The following OR2L13 variants were observed in gnomAD, a reference collection of about 807,000 sequenced individuals.
OR2L13 encodes olfactory receptor family 2 subfamily L member 13, also known as olfactory receptor 2L13.
A neutral mutation model predicts 15.3 loss-of-function variants in OR2L13; 14 were observed. That is an observed-to-expected ratio of 0.91 (90% CI 0.60 to 1.43). The LOEUF (loss-of-function observed/expected upper bound fraction) is 1.43, where lower values mean the gene tolerates loss of function less well. Among genes scored for constraint, OR2L13 ranks in the 40% most tolerant of loss-of-function variants. The pLI, the probability that OR2L13 is intolerant of heterozygous loss-of-function variation, is 0.00. For missense variants in OR2L13, 367 were observed against 387.9 expected (o/e 0.95, Z 0.45); for synonymous variants, 152 against 142.9 (o/e 1.06, Z -0.45).
At chr1:247,989,709 C>T in the OR2L13 span, among the ~76,000 whole-genome samples, 1 of 152,102 alleles carries the variant, frequency 6.6e-6, no homozygotes, top group Non-Finnish European at 1.5e-5. Context: ...TTTTTAAAAA[C>T]TATTGGCTTA....
At chr1:247,989,633 G>T in the OR2L13 span, among the ~76,000 whole-genome samples, 1 of 152,112 alleles carries the variant, frequency 6.6e-6, no homozygotes, top group South Asian at 2.1e-4. Context: ...AAATAGGAAA[G>T]ATTACTTCAT....
the OR2L13 span, among the ~76,000 whole-genome samples, chr1:248,085,085 C>A: frequency 6.6e-6 from 1 of 152,100 alleles, no homozygotes; most frequent in African/African-American, 2.4e-5. Context: ...CTGTGCCAAG[C>A]CTTGTCGGTT....
the OR2L13 span, among the ~76,000 whole-genome samples, chr1:247,948,607 A>G: frequency 1.3e-5 from 2 of 152,242 alleles, no homozygotes; most frequent in Non-Finnish European, 2.9e-5. Flanking sequence ...TCACATATTT[A>G]TAGTATACTG....
chr1:247,948,464 CAA>C, the OR2L13 span, among the ~76,000 whole-genome samples: 1 of 152,026 alleles, frequency 6.6e-6, no homozygotes, highest in African/African-American at 2.4e-5. Context: ...AAACTAGTAA[CAA>C]ATGTTGATCT....
At chr1:248,061,114 A>G in the OR2L13 span, 3 of 1,613,758 alleles carry the variant, frequency 1.9e-6, no homozygotes, top group African/African-American at 2.7e-5. Context: ...GCTGATGATA[A>G]CAGGGTCTTG....
the OR2L13 span, among the ~76,000 whole-genome samples, chr1:248,057,347 G>T: frequency 2.0e-5 from 3 of 152,080 alleles, no homozygotes; most frequent in Non-Finnish European, 4.4e-5. Context: ...TATTTACAAT[G>T]GTTAGAAATT....
chr1:247,967,148 T>C, the OR2L13 span, among the ~76,000 whole-genome samples: 1 of 152,138 alleles, frequency 6.6e-6, no homozygotes, highest in Non-Finnish European at 1.5e-5. Context: ...CCTCTGCCTC[T>C]ATTTTCAGAA....
At chr1:247,951,191 T>A in the OR2L13 span, among the ~76,000 whole-genome samples, 1 of 152,200 alleles carries the variant, frequency 6.6e-6, no homozygotes, top group Non-Finnish European at 1.5e-5. Flanking sequence ...TTACTACATC[T>A]TTGTAGTATA....
chr1:248,100,035 C>G, exon 3 of OR2L13: 2 of 1,614,106 alleles, frequency 1.2e-6, no homozygotes, highest in Non-Finnish European at 1.7e-6. Flanking sequence ...GTGGCCGAGT[C>G]CTATTTGCTG....
upstream of OR2L13, among the ~76,000 whole-genome samples, chr1:248,092,183 C>G (rs1664611482): frequency 6.6e-6 from 1 of 152,132 alleles, no homozygotes; most frequent in African/African-American, 2.4e-5. Context: ...TGGACAGAGA[C>G]TATGGGGTTT....
chr1:248,089,368 C>G, the OR2L13 span, among the ~76,000 whole-genome samples: 1 of 151,990 alleles, frequency 6.6e-6, no homozygotes, highest in African/African-American at 2.4e-5. Context: ...ATGGTGGCTT[C>G]ATTATATAGG....
chr1:248,074,983 A>G, the OR2L13 span, among the ~76,000 whole-genome samples: 1 of 152,072 alleles, frequency 6.6e-6, no homozygotes, highest in Non-Finnish European at 1.5e-5. Context: ...TCAACTCATC[A>G]TTTACATTAG....
chr1:247,948,223 A>G, the OR2L13 span, among the ~76,000 whole-genome samples: 1 of 152,192 alleles, frequency 6.6e-6, no homozygotes, highest in Non-Finnish European at 1.5e-5. Context: ...TTAAAAAAAA[A>G]GAAAAAGAAT....
At chr1:248,022,528 A>G in the OR2L13 span, 24 of 1,614,052 alleles carry the variant, frequency 1.5e-5, no homozygotes, top group Non-Finnish European at 1.9e-5. Flanking sequence ...ACCTGGGTCT[A>G]TGAGTACACA....
chr1:248,027,233 C>T, the OR2L13 span, among the ~76,000 whole-genome samples: 1 of 152,158 alleles, frequency 6.6e-6, no homozygotes, highest in East Asian at 1.9e-4. Flanking sequence ...CTTATTAGGA[C>T]AAGGAAATTC....
chr1:248,092,867 A>G (rs572364649), upstream of OR2L13, among the ~76,000 whole-genome samples: 2 of 152,280 alleles, frequency 1.3e-5, no homozygotes, highest in South Asian at 2.1e-4. Flanking sequence ...AAGATGCTCA[A>G]TCTTTGGTCA....
chr1:247,961,872 G>A, the OR2L13 span, among the ~76,000 whole-genome samples: 121,532 of 152,190 alleles, frequency 0.8, 52,713 homozygotes, highest in South Asian at 0.95. Context: ...CCTGATTCTC[G>A]TGTGTTTCTG....
At chr1:247,964,455 G>A in the OR2L13 span, among the ~76,000 whole-genome samples, 1 of 152,038 alleles carries the variant, frequency 6.6e-6, no homozygotes, top group East Asian at 1.9e-4. Flanking sequence ...TATGAAATTT[G>A]CACTCTATTG....
chr1:247,940,731 C>CGTGCGTGT, the OR2L13 span, among the ~76,000 whole-genome samples: 102 of 147,180 alleles, frequency 6.9e-4, no homozygotes, highest in African/African-American at 2.4e-3. Flanking sequence ...TGCATACGTG[C>CGTGCGTGT]GTGTGTGTGT....
Sources: allele counts gnomAD v4.1 joint callset (sites outside exome capture counted in the v4.1 genomes callset), GRCh38; gene constraint gnomAD v4.1.1; transcripts MANE v1.5; gene names NCBI Gene and HGNC (gene_info 2026-07-23, HGNC 2026-07-21).